KIT: variants seen among roughly 807,000 people sequenced by gnomAD.
KIT encodes KIT proto-oncogene, receptor tyrosine kinase.
KIT carries 16 observed loss-of-function variants against 105.7 expected under a neutral mutation model. The observed-to-expected ratio is 0.15, with a 90% CI of 0.10 to 0.23. The LOEUF (loss-of-function observed/expected upper bound fraction) is 0.23. KIT is among the 10% of genes least tolerant of loss of function. The pLI, the probability that KIT is intolerant of heterozygous loss-of-function variation, is 1.00. For missense variants in KIT, 858 were observed against 1,213.8 expected, an observed-to-expected ratio of 0.71 and a Z score of 4.36; for synonymous variants, 438 against 441.1, an observed-to-expected ratio of 0.99 and a Z score of 0.09.
At chr4:54,709,832 T>C (rs539371996) in intron 7 of KIT, among the ~76,000 whole-genome samples, 1 of 152,272 alleles carries the variant, frequency 6.6e-6, no homozygotes, top group East Asian at 1.9e-4. Context: ...AGGGAAAATG[T>C]ATTATTATTG....
intron 1 of KIT, among the ~76,000 whole-genome samples, chr4:54,683,879 C>A (rs759200603): frequency 1.3e-5 from 2 of 152,152 alleles, no homozygotes; most frequent in Non-Finnish European, 2.9e-5. Context: ...AATGAATCTC[C>A]CAGCTGGGCA....
At chr4:54,681,074 G>A (rs930665869) in intron 1 of KIT, among the ~76,000 whole-genome samples, 6 of 152,062 alleles carry the variant, frequency 3.9e-5, no homozygotes, top group African/African-American at 9.7e-5. Flanking sequence ...TTTTTACTTT[G>A]TTCTGAATTG....
chr4:54,725,482 T>G (rs1722157738), intron 8 of KIT, among the ~76,000 whole-genome samples: 1 of 152,178 alleles, frequency 6.6e-6, no homozygotes, highest in South Asian at 2.1e-4. Flanking sequence ...AGCTTGTTTA[T>G]TTTAGGGATC....
intron 1 of KIT, among the ~76,000 whole-genome samples, chr4:54,690,386 T>C (rs1183396295): frequency 1.3e-5 from 2 of 152,206 alleles, no homozygotes; most frequent in African/African-American, 4.8e-5. Context: ...CGCTTCCTCC[T>C]CTATGCTGTT....
At chr4:54,695,805 GC>G in intron 2 of KIT, 24 bp downstream of exon 2, 1 of 1,613,944 alleles carries the variant, frequency 6.2e-7, no homozygotes, top group Non-Finnish European at 8.5e-7. Context: ...TTTCTGCAGT[GC>G]TGTGCTTTCA....
intron 1 of KIT, among the ~76,000 whole-genome samples, chr4:54,680,437 G>A (rs1418415198): frequency 1.4e-5 from 2 of 145,518 alleles, no homozygotes; most frequent in Admixed American, 1.4e-4. Flanking sequence ...TGTTGCCCAG[G>A]CTAGAATGCA....
rs371193911 is a variant in KIT at position 54,700,766 on chromosome 4, A to G, written c.756+1000A>G. ...TAAACAAATAACCATGGTGATTGCC[A>G]TAATGCAAAGACAGTGTGATGATAT... On this transcript the variant is annotated intron_variant, in intron 4 of 20. Transcript: ENST00000288135. Among the ~76,000 whole-genome samples, 11 of 152,262 alleles carry G rather than the reference A, an allele frequency of 7.2e-5. No homozygotes were observed. The South Asian group carries it at 1.7e-3, about 23-fold the overall frequency.
Position 54,668,900 on chromosome 4 carries a change from A to G in KIT, c.67+10819A>G, listed in dbSNP as rs191100220. Reference sequence around the variant, plus strand: ...ATGCAATTCCATCCCAACTTTCACAATGCAGACTTCCTTTTTAGTGGCTGA... The same window carrying G: ...ATGCAATTCCATCCCAACTTTCACAGTGCAGACTTCCTTTTTAGTGGCTGA... On this transcript the variant is annotated intron_variant, in intron 1 of 20. Transcript: ENST00000288135. Among the ~76,000 whole-genome samples the G allele has an allele frequency of 5.3e-5, 8 of 152,358 alleles. No individual in the cohort carries two copies. The East Asian group carries it at 1.5e-3, about 29-fold the overall frequency.
At chr4:54,723,796 T>C (rs1722047367) in intron 8 of KIT, 98 bp downstream of exon 8, 6 of 822,920 alleles carry the variant, frequency 7.3e-6, no homozygotes, top group Non-Finnish European at 1.2e-5. Context: ...TTAAAAAAGC[T>C]TTGTTTTGAT....
intron 7 of KIT, among the ~76,000 whole-genome samples, chr4:54,719,738 C>G (rs1721741971): frequency 6.6e-6 from 1 of 152,174 alleles, no homozygotes; most frequent in African/African-American, 2.4e-5. Flanking sequence ...AGTTATGTAT[C>G]TTTAAAGGCA....
Position 54,727,896 on chromosome 4 carries a change from G to A in KIT, c.1848G>A (p.Ala616=), listed in dbSNP as rs148853099. The change falls in exon 12 of 21, where the codon GCG becomes GCA. Residue 616 remains alanine (A), a synonymous_variant. Coordinates refer to ENST00000288135, the MANE Select transcript of KIT (RefSeq NM_000222.3). Reference sequence around the variant, plus strand: ...CTTATGGCTTAATTAAGTCAGATGCGGCCATGACTGTCGCTGTAAAGATGC... The same window carrying A: ...CTTATGGCTTAATTAAGTCAGATGCAGCCATGACTGTCGCTGTAAAGATGC... ...ATAYGLIKSD[A]AMTVAVKMLK... 3.8e-5 allele frequency: 62 copies of A among 1,614,004 alleles called. No homozygotes were observed. Among genetic ancestry groups the A allele is most frequent in the Middle Eastern group, 3.3e-4 (2 of 6,036 alleles).
At chr4:54,723,788 A>G in intron 8 of KIT, 90 bp downstream of exon 8, 1 of 885,236 alleles carries the variant, frequency 1.1e-6, no homozygotes, top group South Asian at 1.4e-5. Flanking sequence ...GATTTTTTTT[A>G]AAAAAGCTTT....
chr4:54,690,906 G>A (rs547090841), intron 1 of KIT, among the ~76,000 whole-genome samples: 2 of 152,124 alleles, frequency 1.3e-5, no homozygotes, highest in Non-Finnish European at 2.9e-5. Flanking sequence ...CCTAATAAAA[G>A]CCCTATTTTC....
chr4:54,707,953 T>A (rs1282944357), intron 6 of KIT, among the ~76,000 whole-genome samples: 1 of 152,172 alleles, frequency 6.6e-6, no homozygotes, highest in East Asian at 1.9e-4. Context: ...TAATAAGGGC[T>A]AAGTGCCTGG....
chr4:54,658,145 T>G lies in KIT; in HGVS notation c.67+64T>G, dbSNP rs1011775847. On this transcript the variant is annotated intron_variant, in intron 1 of 20. Coordinates refer to ENST00000288135, the MANE Select transcript of KIT (RefSeq NM_000222.3). The stretch of plus-strand genomic sequence containing the variant: ...TCGGCGAAGCCTGTGCCTGGGAGGG[T>G]GGTACCCGCCAGGGTGCATCCGGAG... The G allele has an allele frequency of 7.2e-6, 11 of 1,519,056 alleles. No homozygotes were observed. The African/African-American group carries it at 1.5e-4, about 21-fold the overall frequency. The allele number at this position is 1,519,056 out of a possible 1,614,324, so 94.1% of individuals were successfully genotyped here.
intron 1 of KIT, among the ~76,000 whole-genome samples, chr4:54,694,358 A>G (rs909232242): frequency 6.6e-6 from 1 of 151,954 alleles, no homozygotes; most frequent in Non-Finnish European, 1.5e-5. Context: ...ACTTTGTTCT[A>G]TTGTTTTTAG....
At chr4:54,661,384 G>A (rs529410797) in intron 1 of KIT, among the ~76,000 whole-genome samples, 9 of 152,264 alleles carry the variant, frequency 5.9e-5, no homozygotes, top group African/African-American at 2.2e-4. Flanking sequence ...TGCTGTTGTT[G>A]ACAGCCCTTC....
At chr4:54,724,518 C>T (rs189153670) in intron 8 of KIT, among the ~76,000 whole-genome samples, 1 of 152,224 alleles carries the variant, frequency 6.6e-6, no homozygotes, top group East Asian at 1.9e-4. Context: ...GGAGGAATGG[C>T]CACAGCAGAA....
intron 5 of KIT, among the ~76,000 whole-genome samples, chr4:54,704,742 C>T (rs1720676255): frequency 6.6e-6 from 1 of 152,026 alleles, no homozygotes; most frequent in Admixed American, 6.6e-5. Context: ...TTAGTACAAC[C>T]ATATTCCTAG....
Sources: allele counts gnomAD v4.1 joint callset (sites outside exome capture counted in the v4.1 genomes callset), GRCh38; gene constraint gnomAD v4.1.1; transcripts MANE v1.5; gene names NCBI Gene and HGNC (gene_info 2026-07-23, HGNC 2026-07-21).